IMMP2L: variants seen among roughly 807,000 people sequenced by gnomAD.
IMMP2L encodes inner mitochondrial membrane peptidase subunit 2.
A neutral mutation model predicts 19.3 loss-of-function variants in IMMP2L; 18 were observed. The observed-to-expected ratio is 0.93, with a 90% CI of 0.64 to 1.38. IMMP2L has a LOEUF of 1.38. Among genes scored for constraint, IMMP2L ranks in the 40% most tolerant of loss-of-function variants. IMMP2L has a pLI of 0.00. For synonymous variants in IMMP2L, 76 were observed against 73.0 expected, an observed-to-expected ratio of 1.04 and a Z score of -0.21; for missense variants, 233 against 218.2, an observed-to-expected ratio of 1.07 and a Z score of -0.43.
intron 4 of IMMP2L, among the ~76,000 whole-genome samples, chr7:110,940,362 A>C (rs1816607194): frequency 6.6e-6 from 1 of 152,092 alleles, no homozygotes; most frequent in African/African-American, 2.4e-5. Flanking sequence ...ATAACAACAT[A>C]GACAAATAAA....
intron 3 of IMMP2L, among the ~76,000 whole-genome samples, chr7:111,415,026 CG>C (rs765275265): frequency 1.2e-4 from 18 of 151,698 alleles, no homozygotes; most frequent in Non-Finnish European, 2.4e-4. Flanking sequence ...ATTGTATTAA[CG>C]TAATTAAAGT....
At chr7:111,118,624 A>G (rs1800180871) in intron 3 of IMMP2L, among the ~76,000 whole-genome samples, 1 of 152,150 alleles carries the variant, frequency 6.6e-6, no homozygotes. Context: ...TTAAATTAAT[A>G]ATGAATAAGA....
At chr7:111,312,751 A>G (rs1176412932) in intron 3 of IMMP2L, among the ~76,000 whole-genome samples, 3 of 152,154 alleles carry the variant, frequency 2.0e-5, no homozygotes, top group Non-Finnish European at 2.9e-5. Flanking sequence ...TCCACTGGCA[A>G]TGATATACTA....
chr7:111,039,751 C>T (rs549615120), intron 3 of IMMP2L, among the ~76,000 whole-genome samples: 1 of 152,262 alleles, frequency 6.6e-6, no homozygotes, highest in Non-Finnish European at 1.5e-5. Flanking sequence ...ATCTCTATTC[C>T]TCCCTTAATC....
intron 4 of IMMP2L, among the ~76,000 whole-genome samples, chr7:110,930,144 T>A (rs1157101475): frequency 6.6e-6 from 1 of 152,172 alleles, no homozygotes; most frequent in African/African-American, 2.4e-5. Flanking sequence ...TGCTTTAACA[T>A]GGCACAACAA....
rs1045146240 is a variant in IMMP2L, at chr7:111,323,855, G to A, written c.239+163383C>T. Among the ~76,000 whole-genome samples, 5 of 152,020 alleles carry A rather than the reference G, an allele frequency of 3.3e-5. No individual in the cohort carries two copies. The South Asian group carries it at 8.3e-4, about 25-fold the overall frequency. On this transcript the variant is annotated intron_variant, in intron 3 of 5. Coordinates refer to ENST00000405709, the MANE Select transcript of IMMP2L (RefSeq NM_032549.4). ...TGTCCTTTGTAGGGACATGGATGAA[G>A]CTGGAAACCATCATTCTCAGCAAAC...
At chr7:111,034,790 T>C (rs926613320) in intron 3 of IMMP2L, among the ~76,000 whole-genome samples, 6 of 152,144 alleles carry the variant, frequency 3.9e-5, no homozygotes, top group Non-Finnish European at 7.4e-5. Context: ...CAGAAACTTA[T>C]CTACTTCAAA....
chr7:111,003,661 G>A (rs191498874), intron 3 of IMMP2L, among the ~76,000 whole-genome samples: 92 of 152,064 alleles, frequency 6.1e-4, no homozygotes, highest in Middle Eastern at 3.4e-3. Context: ...ACAGTTGGGT[G>A]TCATCACACC....
chr7:111,056,107 A>T (rs2129573965), intron 3 of IMMP2L, among the ~76,000 whole-genome samples: 1 of 152,360 alleles, frequency 6.6e-6, no homozygotes, highest in East Asian at 1.9e-4. Flanking sequence ...CTGTTTATTT[A>T]AACAACTAAT....
intron 3 of IMMP2L, among the ~76,000 whole-genome samples, chr7:111,388,836 A>C (rs933101560): frequency 2.0e-5 from 3 of 152,038 alleles, no homozygotes; most frequent in Non-Finnish European, 4.4e-5. Context: ...GGGAGATACA[A>C]CTCAAGTTGA....
intron 5 of IMMP2L, among the ~76,000 whole-genome samples, chr7:110,747,353 C>T (rs1157380021): frequency 6.6e-6 from 1 of 152,142 alleles, no homozygotes; most frequent in African/African-American, 2.4e-5. Context: ...CCTCCCGAAA[C>T]TATTCCAAAC....
At chr7:110,764,728 T>C (rs1266396277) in intron 5 of IMMP2L, among the ~76,000 whole-genome samples, 1 of 152,100 alleles carries the variant, frequency 6.6e-6, no homozygotes, top group Non-Finnish European at 1.5e-5. Context: ...GGAAAAAGAA[T>C]ATGTAGCTCC....
At chr7:111,159,943 G>C (rs1307659296) in intron 3 of IMMP2L, among the ~76,000 whole-genome samples, 1 of 151,916 alleles carries the variant, frequency 6.6e-6, no homozygotes, top group Non-Finnish European at 1.5e-5. Flanking sequence ...ATTCAGACTA[G>C]CTGCATTTCA....
At chr7:111,223,597 ATC>A (rs2129621175) in intron 3 of IMMP2L, among the ~76,000 whole-genome samples, 1 of 152,228 alleles carries the variant, frequency 6.6e-6, no homozygotes, top group East Asian at 1.9e-4. Flanking sequence ...TGTATTACTA[ATC>A]CTAGCATATG....
intron 5 of IMMP2L, among the ~76,000 whole-genome samples, chr7:110,781,174 T>C (rs1799714863): frequency 2.0e-5 from 3 of 151,938 alleles, no homozygotes. Flanking sequence ...AAAGTATGTA[T>C]ATTTTTCAAC....
At chr7:111,262,189 C>A (rs987118080) in intron 3 of IMMP2L, among the ~76,000 whole-genome samples, 1 of 151,882 alleles carries the variant, frequency 6.6e-6, no homozygotes, top group Admixed American at 6.6e-5. Flanking sequence ...TCTAATGGCA[C>A]AAACAATCTA....
Position 111,292,225 on chromosome 7 carries a change from A to G in IMMP2L, c.239+195013T>C, listed in dbSNP as rs529773062. ...CACTTCTCTAGGCTAAATAAACCCAATCCTTTAGACTTTCATCACATAGCA... is the reference window on the plus strand; with the variant it reads ...CACTTCTCTAGGCTAAATAAACCCAGTCCTTTAGACTTTCATCACATAGCA... On this transcript the variant is annotated intron_variant, in intron 3 of 5. Coordinates refer to ENST00000405709, the MANE Select transcript of IMMP2L (RefSeq NM_032549.4). Among the ~76,000 whole-genome samples the G allele has an allele frequency of 4.6e-5, 7 of 152,218 alleles. No individual in the cohort carries two copies. In the East Asian group the frequency reaches 1.4e-3, roughly 29 times the overall value.
Position 110,981,433 on chromosome 7 carries a change from G to A in IMMP2L, c.240-17868C>T, listed in dbSNP as rs114524798. 4.3e-3 allele frequency among the ~76,000 whole-genome samples: 648 copies of A among 151,952 alleles called. 4 individuals carry two copies. Among genetic ancestry groups the A allele is most frequent in the African/African-American group, 0.015 (625 of 41,466 alleles). On this transcript the variant is annotated intron_variant, in intron 3 of 5. Coordinates refer to ENST00000405709, the MANE Select transcript of IMMP2L (RefSeq NM_032549.4). ...AAACCGTGCTAAAACTTTATAGTAA[G>A]AATGGGCCTGCTGAAATTAACAATT... is the stretch of plus-strand genomic sequence containing the variant.
intron 3 of IMMP2L, among the ~76,000 whole-genome samples, chr7:111,373,069 T>C (rs1830390412): frequency 6.6e-6 from 1 of 151,998 alleles, no homozygotes; most frequent in East Asian, 1.9e-4. Flanking sequence ...GTTTTCATTA[T>C]TGAGGATTAA....
Sources: allele counts gnomAD v4.1 joint callset (sites outside exome capture counted in the v4.1 genomes callset), GRCh38; gene constraint gnomAD v4.1.1; transcripts MANE v1.5; gene names NCBI Gene and HGNC (gene_info 2026-07-23, HGNC 2026-07-21).